KAZN: variants seen among roughly 807,000 people sequenced by gnomAD.
KAZN encodes kazrin, periplakin interacting protein.
KAZN carries 40 observed loss-of-function variants against 87.4 expected under a neutral mutation model. The observed-to-expected ratio is 0.46, with a 90% CI of 0.36 to 0.60. KAZN has a LOEUF of 0.60. KAZN is among the 20% of genes least tolerant of loss of function. KAZN has a pLI of 0.00. For missense variants in KAZN, 898 were observed against 1,073.9 expected (o/e 0.84, Z 2.29); for synonymous variants, 466 against 458.3 (o/e 1.02, Z -0.22).
At chr1:14,092,176 C>T (rs1332808195) in intron 1 of KAZN, among the ~76,000 whole-genome samples, 11 of 148,526 alleles carry the variant, frequency 7.4e-5, no homozygotes, top group Admixed American at 1.4e-4. Context: ...CTGAAAGCTG[C>T]GCCTCCCGGG....
intron 1 of KAZN, among the ~76,000 whole-genome samples, chr1:14,685,233 G>A (rs139900164): frequency 3.5e-4 from 53 of 152,314 alleles, no homozygotes; most frequent in African/African-American, 9.4e-4. Context: ...TAATCCTGCC[G>A]GAGAAACTCT....
At chr1:14,418,895 T>G (rs1021412534) in intron 2 of KAZN, among the ~76,000 whole-genome samples, 1 of 152,204 alleles carries the variant, frequency 6.6e-6, no homozygotes, top group Non-Finnish European at 1.5e-5. Flanking sequence ...GGCTTCTGCA[T>G]CTGCAGAAAT....
At chr1:14,927,623 G>A (rs896450678) in intron 1 of KAZN, among the ~76,000 whole-genome samples, 1 of 152,148 alleles carries the variant, frequency 6.6e-6, no homozygotes, top group Non-Finnish European at 1.5e-5. Flanking sequence ...TTTAAAAGGT[G>A]GTGGGAAATT....
chr1:14,280,573 A>T (rs1652775612), intron 2 of KAZN, among the ~76,000 whole-genome samples: 1 of 152,006 alleles, frequency 6.6e-6, no homozygotes, highest in Non-Finnish European at 1.5e-5. Context: ...CACCAGAAGC[A>T]AGGCGACAGG....
At chr1:14,488,291 G>C (rs1322021116) in intron 2 of KAZN, among the ~76,000 whole-genome samples, 1 of 152,136 alleles carries the variant, frequency 6.6e-6, no homozygotes, top group Admixed American at 6.5e-5. Flanking sequence ...CTGAGATGTT[G>C]GGGAGAGAGG....
chr1:14,758,590 G>A (rs1017038704), intron 1 of KAZN, among the ~76,000 whole-genome samples: 1 of 152,176 alleles, frequency 6.6e-6, no homozygotes, highest in Non-Finnish European at 1.5e-5. Context: ...TGGGATTACA[G>A]GCATGAGCCA....
At chr1:14,393,597 T>C (rs1460003781) in intron 2 of KAZN, among the ~76,000 whole-genome samples, 2 of 152,088 alleles carry the variant, frequency 1.3e-5, no homozygotes, top group Non-Finnish European at 2.9e-5. Context: ...AGGGGACACA[T>C]TTGCAGGGTG....
chr1:14,031,999 G>A (rs529474484), intron 1 of KAZN, among the ~76,000 whole-genome samples: 1 of 152,278 alleles, frequency 6.6e-6, no homozygotes, highest in Non-Finnish European at 1.5e-5. Flanking sequence ...TAACTTGAAT[G>A]TTACGTCTGG....
intron 2 of KAZN, among the ~76,000 whole-genome samples, chr1:14,411,320 A>C (rs1347133534): frequency 6.6e-6 from 1 of 152,158 alleles, no homozygotes; most frequent in Non-Finnish European, 1.5e-5. Flanking sequence ...TTTGAGACCG[A>C]GTCTCGCTCT....
intron 2 of KAZN, among the ~76,000 whole-genome samples, chr1:14,340,913 A>T (rs1283905602): frequency 5.5e-5 from 2 of 36,596 alleles, no homozygotes; most frequent in Admixed American, 3.1e-4. Context: ...TTTGAGATGG[A>T]GTCTCACTCT....
At chr1:14,823,182 G>T (rs1434605481) in intron 1 of KAZN, among the ~76,000 whole-genome samples, 3 of 152,182 alleles carry the variant, frequency 2.0e-5, no homozygotes, top group African/African-American at 7.2e-5. Context: ...ACATGGGCAG[G>T]CTCTGAATCC....
intron 1 of KAZN, among the ~76,000 whole-genome samples, chr1:14,780,294 C>T (rs553297095): frequency 1.3e-5 from 2 of 152,322 alleles, no homozygotes; most frequent in South Asian, 4.1e-4. Context: ...CTGTCTCTTC[C>T]CAGCCTCCCC....
At chr1:14,600,846 C>A (rs1052878483) in intron 1 of KAZN, among the ~76,000 whole-genome samples, 1 of 152,140 alleles carries the variant, frequency 6.6e-6, no homozygotes, top group Non-Finnish European at 1.5e-5. Context: ...CCTTTCTCCG[C>A]GAAGGAAAAG....
At chr1:14,316,187 A>G (rs1655646943) in intron 2 of KAZN, among the ~76,000 whole-genome samples, 1 of 151,978 alleles carries the variant, frequency 6.6e-6, no homozygotes, top group Non-Finnish European at 1.5e-5. Flanking sequence ...TGGACAGGTA[A>G]AATGTCTGTT....
intron 1 of KAZN, among the ~76,000 whole-genome samples, chr1:14,638,579 C>CAAAAAAAAAAAA (rs60784404): frequency 1.6e-5 from 2 of 128,730 alleles, no homozygotes; most frequent in South Asian, 2.5e-4. Flanking sequence ...AAAAAAAAAA[C>CAAAAAAAAAAAA]AAAAAAAAAA....
intron 2 of KAZN, among the ~76,000 whole-genome samples, chr1:14,317,150 C>T (rs75792091): frequency 0.022 from 3,331 of 151,898 alleles, 135 homozygotes; most frequent in African/African-American, 0.076. Context: ...TCACTACTTG[C>T]GGATATGTGA....
chr1:13,896,446 T>C (rs1164392474), intron 1 of KAZN, among the ~76,000 whole-genome samples: 1 of 152,138 alleles, frequency 6.6e-6, no homozygotes, highest in Non-Finnish European at 1.5e-5. Flanking sequence ...TGTACCACCA[T>C]TCCAGGTTAA....
At chr1:14,515,759 C>G (rs1001753707) in intron 2 of KAZN, among the ~76,000 whole-genome samples, 24 of 152,110 alleles carry the variant, frequency 1.6e-4, no homozygotes, top group African/African-American at 5.6e-4. Context: ...AAGGGCTCTC[C>G]CTTCCACCAC....
At chr1:14,050,283 T>C (rs1642273469) in intron 1 of KAZN, among the ~76,000 whole-genome samples, 1 of 152,196 alleles carries the variant, frequency 6.6e-6, no homozygotes, top group Non-Finnish European at 1.5e-5. Flanking sequence ...CATACTATAA[T>C]TTGGAGCACT....
Sources: allele counts gnomAD v4.1 joint callset (sites outside exome capture counted in the v4.1 genomes callset), GRCh38; gene constraint gnomAD v4.1.1; transcripts MANE v1.5; gene names NCBI Gene and HGNC (gene_info 2026-07-23, HGNC 2026-07-21).